FSTL4: variants seen among roughly 807,000 people sequenced by gnomAD.
FSTL4 encodes the protein follistatin like 4.
A neutral mutation model predicts 78.2 loss-of-function variants in FSTL4; 28 were observed. The ratio of observed to expected loss-of-function variants is 0.36; its 90% confidence interval spans 0.27 to 0.49. The LOEUF is 0.49. FSTL4 is among the 20% of genes least tolerant of loss of function. The probability of loss-of-function intolerance (pLI) is 0.98; values close to 1 mark genes in which losing one functional copy is unlikely to be tolerated. For missense variants in FSTL4, 922 were observed against 1,084.9 expected, an observed-to-expected ratio of 0.85 and a Z score of 2.11; for synonymous variants, 422 against 440.5, an observed-to-expected ratio of 0.96 and a Z score of 0.53.
chr5:133,562,515 C>T (rs113793680), intron 3 of FSTL4, among the ~76,000 whole-genome samples: 3 of 152,276 alleles, frequency 2.0e-5, no homozygotes, highest in African/African-American at 7.2e-5. Context: ...GCAAAGGAGC[C>T]AGAGCCATGC....
At chr5:133,615,537 T>C (rs1452636687), upstream of FSTL4, among the ~76,000 whole-genome samples, 1 of 152,202 alleles carries the variant, frequency 6.6e-6, no homozygotes, top group Non-Finnish European at 1.5e-5. Flanking sequence ...AAACGACATG[T>C]CTAAGGCCAT....
rs1750174201 is a variant in FSTL4, at chr5:133,197,345, T to C, written c.*1750A>G. The C allele has an allele frequency of 6.6e-6, 1 of 152,160 alleles. No homozygotes were observed. The highest frequency in any genetic ancestry group is 6.5e-5 in the Admixed American group (1 of 15,276). 9.4% of individuals were successfully genotyped at this position (152,160 alleles called of 1,614,324 possible). A position where few individuals can be genotyped will look rare whatever the true frequency, so the allele number is the denominator to read the frequency against. On this transcript the variant is annotated 3_prime_UTR_variant, in exon 16 of 16. Transcript: ENST00000265342. ...CATCCCAGCTACTGTGAAACTGCAT[T>C]CTAGGCTTTTGAGGTGAGCTTCCTC... is the stretch of plus-strand genomic sequence containing the variant.
At chr5:133,716,406 T>C in the FSTL4 span, among the ~76,000 whole-genome samples, 6 of 151,088 alleles carry the variant, frequency 4.0e-5, no homozygotes, top group African/African-American at 1.2e-4. Flanking sequence ...TATATTCTTA[T>C]ATAAACTTAA....
At chr5:133,560,981 C>A (rs560490158) in intron 3 of FSTL4, among the ~76,000 whole-genome samples, 1 of 150,940 alleles carries the variant, frequency 6.6e-6, no homozygotes, top group Non-Finnish European at 1.5e-5. Flanking sequence ...CCCAGCTACT[C>A]GGGAGGCTGA....
rs74387464 is a variant in FSTL4, at chr5:133,596,981, C to T, written c.126+6877G>A. ...GCTACCCATCAAGAGAGAGGCGAGG[C>T]TGGTGGACAGATGGCTTCTCAGCCA... On this transcript the variant is annotated intron_variant, in intron 2 of 15. Coordinates refer to ENST00000265342, the MANE Select transcript of FSTL4 (RefSeq NM_015082.2). Among the ~76,000 whole-genome samples the T allele has an allele frequency of 2.2e-4, 34 of 152,276 alleles. No homozygotes were observed. In the East Asian group the frequency reaches 6.4e-3, roughly 29 times the overall value.
chr5:133,321,228 C>T (rs967388295), intron 4 of FSTL4, among the ~76,000 whole-genome samples: 4 of 152,142 alleles, frequency 2.6e-5, no homozygotes, highest in Admixed American at 1.3e-4. Flanking sequence ...ATTGACTATC[C>T]CCCTGGCTGG....
intron 3 of FSTL4, among the ~76,000 whole-genome samples, chr5:133,407,633 C>T (rs1216456072): frequency 6.6e-6 from 1 of 152,202 alleles, no homozygotes; most frequent in Non-Finnish European, 1.5e-5. Context: ...AGAAGGAACA[C>T]CTTTCATCTG....
At chr5:133,430,659 A>G (rs563784875) in intron 3 of FSTL4, among the ~76,000 whole-genome samples, 1 of 152,314 alleles carries the variant, frequency 6.6e-6, no homozygotes, top group South Asian at 2.1e-4. Flanking sequence ...TGACTTTCCA[A>G]AATAACAGAT....
chr5:133,542,052 C>T (rs1759483615), intron 3 of FSTL4, among the ~76,000 whole-genome samples: 1 of 152,020 alleles, frequency 6.6e-6, no homozygotes, highest in African/African-American at 2.4e-5. Flanking sequence ...AAACCCTTTC[C>T]TAACAGTGAA....
intron 4 of FSTL4, among the ~76,000 whole-genome samples, chr5:133,349,723 TCATGCTGC>T (rs1038030539): frequency 2.1e-5 from 3 of 143,858 alleles, no homozygotes; most frequent in Admixed American, 7.0e-5. Context: ...TTTATGTTTG[TCATGCTGC>T]CATGCGACTG....
chr5:133,552,903 G>C (rs545293618), intron 3 of FSTL4, among the ~76,000 whole-genome samples: 1 of 152,318 alleles, frequency 6.6e-6, no homozygotes, highest in East Asian at 1.9e-4. Context: ...ATTAGCAGCA[G>C]ATAGGAGAGA....
At chr5:133,640,358 C>G in the FSTL4 span, among the ~76,000 whole-genome samples, 1 of 152,290 alleles carries the variant, frequency 6.6e-6, no homozygotes, top group African/African-American at 2.4e-5. Context: ...ATGTGTCAAT[C>G]CCTGCTTTCT....
the FSTL4 span, among the ~76,000 whole-genome samples, chr5:133,690,435 CTGCTGCACCTCAAATATGCT>C: frequency 6.6e-6 from 1 of 152,110 alleles, no homozygotes; most frequent in Non-Finnish European, 1.5e-5. Flanking sequence ...TGACATATAT[CTGCTGCACCTCAAATATGCT>C]TGGCATAAGA....
the FSTL4 span, among the ~76,000 whole-genome samples, chr5:133,779,304 GGGCCA>G: frequency 6.6e-6 from 1 of 152,162 alleles, no homozygotes; most frequent in Admixed American, 6.5e-5. Context: ...TAAGTGATGT[GGGCCA>G]GGCATGGTGG....
the FSTL4 span, among the ~76,000 whole-genome samples, chr5:133,633,990 ACAT>A: frequency 3.3e-5 from 5 of 152,162 alleles, no homozygotes. Context: ...GCTTCCACTG[ACAT>A]CATGGGGTGG....
In FSTL4 at chr5:133,311,653, C is replaced by T. The variant is rs145260647; in HGVS notation, c.727+1001G>A. 4.0e-3 allele frequency among the ~76,000 whole-genome samples: 605 copies of T among 152,258 alleles called. 5 individuals carry two copies. Among genetic ancestry groups the T allele is most frequent in the African/African-American group, 0.011 (443 of 41,548 alleles). ...GAAGCAGGAATACTTTGCTGGAAAA[C>T]GGGAGTCCAGGTAAAGGCTGGGGTT... On this transcript the variant is annotated intron_variant, in intron 6 of 15. Transcript: ENST00000265342.
At chr5:133,424,933 C>T (rs372888553) in intron 3 of FSTL4, among the ~76,000 whole-genome samples, 7 of 152,286 alleles carry the variant, frequency 4.6e-5, no homozygotes, top group Middle Eastern at 3.4e-3. Flanking sequence ...GGCCTTTCCT[C>T]CCTTCCCATC....
chr5:133,618,922 T>G, the FSTL4 span, among the ~76,000 whole-genome samples: 1 of 152,236 alleles, frequency 6.6e-6, no homozygotes, highest in Admixed American at 6.5e-5. Flanking sequence ...TCATGAACCC[T>G]TGTCACATAA....
At chr5:133,607,018 T>C (rs1405518830) in intron 1 of FSTL4, among the ~76,000 whole-genome samples, 3 of 152,204 alleles carry the variant, frequency 2.0e-5, no homozygotes, top group Non-Finnish European at 4.4e-5. Flanking sequence ...TGGTTTTATC[T>C]GGTTTGTGTT....
Sources: gnomAD v4.1 joint callset for allele counts (sites outside exome capture counted in the v4.1 genomes callset) on GRCh38, gnomAD v4.1.1 for gene constraint, MANE v1.5 for transcripts, NCBI Gene and HGNC (gene_info 2026-07-23, HGNC 2026-07-21) for gene names.